The following CA4 variants were observed in gnomAD, a reference collection of about 807,000 sequenced individuals.
CA4 encodes the protein CA-IV.
In CA4, 24 loss-of-function variants were observed where a neutral mutation model predicts 34.5. The observed-to-expected ratio is 0.70, with a 90% confidence interval of 0.50 to 0.98. The LOEUF (loss-of-function observed/expected upper bound fraction) is 0.98. Ranked by LOEUF, CA4 falls within the 50% of genes least tolerant of loss-of-function variation. CA4 has a pLI of 0.00. For missense variants in CA4, 394 were observed against 396.7 expected, an observed-to-expected ratio of 0.99 and a Z score of 0.06; for synonymous variants, 178 against 170.6, an observed-to-expected ratio of 1.04 and a Z score of -0.34.
chr17:60,156,163 TAAACTCTCTGACATCCCA>T (rs371473341), intron 2 of CA4, among the ~76,000 whole-genome samples: 189 of 152,240 alleles, frequency 1.2e-3, no homozygotes, highest in African/African-American at 3.6e-3. Context: ...CCACCTCCTT[TAAACTCTCTGACATCCCA>T]GGGAAGCGGA....
chr17:60,156,475 G>A (rs2083685538), intron 2 of CA4, 85 bp from the exon 3 acceptor site: 3 of 1,345,466 alleles, frequency 2.2e-6, no homozygotes, highest in Non-Finnish European at 3.2e-6. Flanking sequence ...GAACTGAGTG[G>A]GTGGGCCTGA....
At chr17:60,171,350 A>G (rs1410289169), downstream of CA4, among the ~76,000 whole-genome samples, 1 of 152,224 alleles carries the variant, frequency 6.6e-6, no homozygotes, top group Non-Finnish European at 1.5e-5. Flanking sequence ...CAACAATGAA[A>G]GGCCACAGGC....
At chr17:60,153,595 C>G (rs550749433) in intron 1 of CA4, among the ~76,000 whole-genome samples, 88 of 152,322 alleles carry the variant, frequency 5.8e-4, no homozygotes, top group African/African-American at 2.0e-3. Flanking sequence ...ATCCAAGAAC[C>G]CTCTCTTGGG....
At chr17:60,160,079 G>A (rs935957630), downstream of CA4, among the ~76,000 whole-genome samples, 4 of 152,212 alleles carry the variant, frequency 2.6e-5, no homozygotes, top group Admixed American at 2.6e-4. Flanking sequence ...GGCGAAGGTT[G>A]CAGTGAGCTG....
chr17:60,157,361 G>T, intron 3 of CA4, 66 bp from the exon 4 acceptor site: 1 of 1,584,918 alleles, frequency 6.3e-7, no homozygotes, highest in Non-Finnish European at 8.7e-7. Context: ...GGGTGAAGCT[G>T]GGATGAAGAG....
downstream of CA4, among the ~76,000 whole-genome samples, chr17:60,171,443 C>T (rs1301018617): frequency 6.6e-6 from 1 of 152,220 alleles, no homozygotes; most frequent in East Asian, 1.9e-4. Context: ...GTGGCTTCTT[C>T]ACTCTAGCTG....
chr17:60,153,060 G>A (rs1395271850), intron 1 of CA4, among the ~76,000 whole-genome samples: 1 of 152,158 alleles, frequency 6.6e-6, no homozygotes, highest in Non-Finnish European at 1.5e-5. Flanking sequence ...AATGTTGGCT[G>A]GGCACGGTGG....
chr17:60,159,006 G>A (rs2083747258), intron 7 of CA4: 1 of 600,332 alleles, frequency 1.7e-6, no homozygotes. Flanking sequence ...CCCCTGGGGT[G>A]TGAGTGAAAG....
At chr17:60,174,193 G>C (rs1021879309), downstream of CA4, among the ~76,000 whole-genome samples, 15 of 152,066 alleles carry the variant, frequency 9.9e-5, no homozygotes, top group African/African-American at 3.1e-4. Context: ...TACAGCTGTT[G>C]CAACAGCAGA....
At chr17:60,152,255 G>C (rs2083605583) in intron 1 of CA4, among the ~76,000 whole-genome samples, 1 of 151,982 alleles carries the variant, frequency 6.6e-6, no homozygotes, top group Non-Finnish European at 1.5e-5. Flanking sequence ...TTACCTGCAA[G>C]GGTGGCCCTC....
At chr17:60,177,429 G>T in the CA4 span, among the ~76,000 whole-genome samples, 1 of 152,106 alleles carries the variant, frequency 6.6e-6, no homozygotes, top group Non-Finnish European at 1.5e-5. Flanking sequence ...AATTTACAAG[G>T]TGAATGTAGT....
chr17:60,160,750 C>CAA (rs201178794), downstream of CA4, among the ~76,000 whole-genome samples: 5,625 of 129,490 alleles, frequency 0.043, 177 homozygotes, highest in Middle Eastern at 0.075. Context: ...GACTCTGTCT[C>CAA]AAAAAAAAAA....
At chr17:60,162,883 C>A (rs1022523469), downstream of CA4, among the ~76,000 whole-genome samples, 8 of 152,312 alleles carry the variant, frequency 5.3e-5, no homozygotes, top group African/African-American at 1.9e-4. Context: ...CCGGCTCTCT[C>A]CTTTGGCTGA....
At chr17:60,164,786 A>G (rs767712330) in intron 5 of CA4, among the ~76,000 whole-genome samples, 7 of 152,042 alleles carry the variant, frequency 4.6e-5, no homozygotes, top group South Asian at 2.1e-4. Flanking sequence ...GAGACTCCCA[A>G]CTGTAGGGCA....
At chr17:60,156,511 C>G (rs780285754) in intron 2 of CA4, 49 bp from the exon 3 acceptor site, 1 of 1,601,920 alleles carries the variant, frequency 6.2e-7, no homozygotes, top group Admixed American at 1.7e-5. Flanking sequence ...GGGGGCTACA[C>G]CTTGGTGCCA....
chr17:60,159,174 C>A, intron 7 of CA4, 56 bp from the exon 8 acceptor site: 1 of 1,467,964 alleles, frequency 6.8e-7, no homozygotes, highest in Non-Finnish European at 9.3e-7. Flanking sequence ...TGAGGTCACA[C>A]GGCAGGGAGT....
intron 5 of CA4, among the ~76,000 whole-genome samples, chr17:60,165,586 C>T (rs1012289658): frequency 2.0e-5 from 3 of 152,090 alleles, no homozygotes; most frequent in Admixed American, 6.5e-5. Context: ...TTTCCTCTAA[C>T]GCTTCCTCTC....
At chr17:60,162,975 GC>G (rs1238074713), downstream of CA4, among the ~76,000 whole-genome samples, 1 of 152,226 alleles carries the variant, frequency 6.6e-6, no homozygotes, top group African/African-American at 2.4e-5. Context: ...TCCCCAGTGG[GC>G]CGCCTCTTTG....
chr17:60,162,546 TACAC>T (rs770876140), downstream of CA4, among the ~76,000 whole-genome samples: 2,218 of 132,066 alleles, frequency 0.017, 19 homozygotes, highest in African/African-American at 0.041. Flanking sequence ...CTGCATGGGG[TACAC>T]ACACACACAC....
Sources: gnomAD v4.1 joint callset for allele counts (sites outside exome capture counted in the v4.1 genomes callset) on GRCh38, gnomAD v4.1.1 for gene constraint, MANE v1.5 for transcripts, NCBI Gene and HGNC (gene_info 2026-07-23, HGNC 2026-07-21) for gene names.